The following ACTR3C variants were observed in gnomAD, a reference collection of about 807,000 sequenced individuals.
ACTR3C encodes actin related protein 3C, also known as actin-related protein 3C.
In ACTR3C, 18 loss-of-function variants were observed where a neutral mutation model predicts 26.3. That is an observed-to-expected ratio of 0.68 (90% CI 0.47 to 1.01). The LOEUF (loss-of-function observed/expected upper bound fraction) is 1.01. Ranked by LOEUF, ACTR3C falls within the 50% of genes least tolerant of loss-of-function variation. ACTR3C has a pLI of 0.00. For synonymous variants in ACTR3C, 55 were observed against 94.5 expected (o/e 0.58, Z 2.42); for missense variants, 184 against 250.7 (o/e 0.73, Z 1.80).
At chr7:150,045,658 T>C in the ACTR3C span, among the ~76,000 whole-genome samples, 1 of 144,952 alleles carries the variant, frequency 6.9e-6, no homozygotes, top group Admixed American at 6.7e-5. Context: ...CCCTGATTTG[T>C]TTCTCAGGAC....
the ACTR3C span, among the ~76,000 whole-genome samples, chr7:149,965,592 T>C: frequency 6.6e-6 from 1 of 151,996 alleles, no homozygotes; most frequent in African/African-American, 2.4e-5. Flanking sequence ...GCCTTTGAGA[T>C]CATCCAGTTC....
At chr7:150,144,664 G>A in the ACTR3C span, among the ~76,000 whole-genome samples, 1 of 152,146 alleles carries the variant, frequency 6.6e-6, no homozygotes, top group Admixed American at 6.5e-5. This position sits in a 1 kb window ranked among gnomAD's most constrained non-coding sequence, Gnocchi z 4.6. Flanking sequence ...CAGTGTACAA[G>A]AAATGCCACC....
At chr7:149,908,216 C>T in the ACTR3C span, among the ~76,000 whole-genome samples, 1 of 152,138 alleles carries the variant, frequency 6.6e-6, no homozygotes, top group Non-Finnish European at 1.5e-5. Context: ...CCTGACAGCA[C>T]CTTGATCTTG....
At chr7:150,099,978 C>T in the ACTR3C span, among the ~76,000 whole-genome samples, 4 of 151,730 alleles carry the variant, frequency 2.6e-5, no homozygotes, top group Admixed American at 6.6e-5. Context: ...ATCCAGGAAA[C>T]GTCAGCTATT....
At chr7:149,889,008 GA>G in the ACTR3C span, among the ~76,000 whole-genome samples, 1 of 144,464 alleles carries the variant, frequency 6.9e-6, no homozygotes, top group East Asian at 2.0e-4. Context: ...AACTCCACCT[GA>G]AAAAAAAATA....
chr7:150,078,163 T>C, the ACTR3C span, among the ~76,000 whole-genome samples: 4 of 152,198 alleles, frequency 2.6e-5, no homozygotes, highest in Non-Finnish European at 5.9e-5. Context: ...TTTCCTGGCC[T>C]CTACTTTCCC....
chr7:149,947,948 T>C, the ACTR3C span, among the ~76,000 whole-genome samples: 3 of 151,886 alleles, frequency 2.0e-5, no homozygotes, highest in African/African-American at 4.9e-5. Flanking sequence ...GTCAATGTTA[T>C]ACACACGTAA....
chr7:149,936,136 C>T, the ACTR3C span, among the ~76,000 whole-genome samples: 3 of 152,196 alleles, frequency 2.0e-5, no homozygotes, highest in East Asian at 5.8e-4. Context: ...TTAGGATTAA[C>T]TAACTCTCTG....
At chr7:150,116,363 A>G in the ACTR3C span, among the ~76,000 whole-genome samples, 2 of 152,224 alleles carry the variant, frequency 1.3e-5, no homozygotes, top group African/African-American at 2.4e-5. Context: ...AAGGGAAGAA[A>G]AAAAGTTTGT....
At chr7:149,995,838 G>A in the ACTR3C span, among the ~76,000 whole-genome samples, 47 of 151,216 alleles carry the variant, frequency 3.1e-4, no homozygotes, top group African/African-American at 9.9e-4. Context: ...GCACGGTCAC[G>A]GGGAGGTGAG....
chr7:149,946,363 T>C, the ACTR3C span, among the ~76,000 whole-genome samples: 25 of 152,252 alleles, frequency 1.6e-4, no homozygotes, highest in Admixed American at 1.6e-3. Context: ...CTTCTGCAGA[T>C]GTGCCCTCGG....
chr7:150,067,843 T>G, the ACTR3C span, among the ~76,000 whole-genome samples: 1 of 150,072 alleles, frequency 6.7e-6, no homozygotes, highest in Admixed American at 6.6e-5. Context: ...GGACACATTT[T>G]AAAGAGAGAG....
At chr7:150,155,273 C>T in the ACTR3C span, among the ~76,000 whole-genome samples, 1 of 152,114 alleles carries the variant, frequency 6.6e-6, no homozygotes, top group Non-Finnish European at 1.5e-5. Context: ...TCCTGTTACA[C>T]TTGACTTTGT....
At chr7:149,907,152 TAA>T in the ACTR3C span, among the ~76,000 whole-genome samples, 1 of 53,646 alleles carries the variant, frequency 1.9e-5, no homozygotes, top group Non-Finnish European at 3.9e-5. Flanking sequence ...CAGAATTCCT[TAA>T]GAGGACACTT....
At chr7:150,036,148 C>T in the ACTR3C span, among the ~76,000 whole-genome samples, 7 of 133,426 alleles carry the variant, frequency 5.2e-5, 1 homozygote, top group African/African-American at 1.4e-4. Context: ...GTCCCCGCCT[C>T]GTGGGGGGTG....
At chr7:150,321,007 G>T (rs11767726) in intron 1 of ACTR3C, among the ~76,000 whole-genome samples, 42,959 of 151,976 alleles carry the variant, frequency 0.28, 6,283 homozygotes, top group East Asian at 0.42. Flanking sequence ...CTCAGTCCTC[G>T]TTTTGACTAG....
At chr7:150,176,616 A>G in the ACTR3C span, among the ~76,000 whole-genome samples, 1,788 of 150,960 alleles carry the variant, frequency 0.012, 169 homozygotes, top group African/African-American at 0.042. Context: ...ATGAGGCTCC[A>G]GGAAGGACTA....
chr7:150,235,887 G>C, the ACTR3C span, among the ~76,000 whole-genome samples: 1 of 152,034 alleles, frequency 6.6e-6, no homozygotes, highest in African/African-American at 2.4e-5. Flanking sequence ...TCATGTTTCT[G>C]ATAGTAAAAT....
the ACTR3C span, among the ~76,000 whole-genome samples, chr7:150,101,593 C>T: frequency 1.1e-4 from 17 of 151,840 alleles, 1 homozygote; most frequent in African/African-American, 3.9e-4. Context: ...GGGCTGCCCA[C>T]GTGGAACCCT....
Sources: gnomAD v4.1 joint callset for allele counts (sites outside exome capture counted in the v4.1 genomes callset) on GRCh38, gnomAD v4.1.1 for gene constraint, Gnocchi (gnomAD v3.1) non-coding constraint, MANE v1.5 for transcripts, NCBI Gene and HGNC (gene_info 2026-07-23, HGNC 2026-07-21) for gene names.